The following ENPP6 variants were observed in gnomAD, a reference collection of about 807,000 sequenced individuals.
The protein encoded by ENPP6 is ectonucleotide pyrophosphatase/phosphodiesterase 6, also known as glycerophosphocholine cholinephosphodiesterase ENPP6.
In ENPP6, 32 loss-of-function variants were observed where a neutral mutation model predicts 42.0. The ratio of observed to expected loss-of-function variants is 0.76; its 90% CI spans 0.58 to 1.02. The LOEUF is 1.02. Ranked by LOEUF, ENPP6 falls within the 50% of genes least tolerant of loss-of-function variation. The probability of loss-of-function intolerance (pLI) is 0.00; values close to 1 mark genes in which losing one functional copy is unlikely to be tolerated. For missense variants in ENPP6, 552 were observed against 566.8 expected (o/e 0.97, Z 0.27); for synonymous variants, 213 against 216.0 (o/e 0.99, Z 0.12).
At chr4:184,096,012 G>T (rs1025477302) in intron 7 of ENPP6, among the ~76,000 whole-genome samples, 1 of 152,078 alleles carries the variant, frequency 6.6e-6, no homozygotes, top group East Asian at 1.9e-4. Flanking sequence ...CCCTCTCTTA[G>T]GCCAACATCA....
At chr4:184,179,437 A>G (rs900412861) in intron 1 of ENPP6, among the ~76,000 whole-genome samples, 2 of 152,188 alleles carry the variant, frequency 1.3e-5, no homozygotes, top group African/African-American at 4.8e-5. Context: ...GGAGACTTTA[A>G]CACCCCACTG....
At chr4:184,208,757 C>T (rs980084413) in intron 1 of ENPP6, among the ~76,000 whole-genome samples, 3 of 145,770 alleles carry the variant, frequency 2.1e-5, no homozygotes, top group Non-Finnish European at 3.0e-5. Context: ...GGAGGCCTGC[C>T]TGCCTCTGTA....
chr4:184,192,405 G>A (rs1416702344), intron 1 of ENPP6, among the ~76,000 whole-genome samples: 1 of 152,186 alleles, frequency 6.6e-6, no homozygotes, highest in African/African-American at 2.4e-5. Flanking sequence ...TTCACAAATA[G>A]TGCGGGGACA....
intron 2 of ENPP6, among the ~76,000 whole-genome samples, chr4:184,140,957 T>C (rs9654298): frequency 0.59 from 70,142 of 118,754 alleles, 20,875 homozygotes; most frequent in Non-Finnish European, 0.65. Flanking sequence ...ACAGGCAACC[T>C]ACAAAATGGG....
intron 1 of ENPP6, among the ~76,000 whole-genome samples, chr4:184,187,086 G>A (rs758472798): frequency 1.3e-5 from 2 of 152,204 alleles, no homozygotes; most frequent in Non-Finnish European, 2.9e-5. Flanking sequence ...GGAAGCAGAA[G>A]CAGGCCGTAA....
At chr4:184,093,643 TAA>T (rs1491352430) in intron 7 of ENPP6, among the ~76,000 whole-genome samples, 4 of 125,128 alleles carry the variant, frequency 3.2e-5, no homozygotes, top group East Asian at 2.2e-4. Context: ...TGTCTCAAAA[TAA>T]TAATAATAAT....
intron 2 of ENPP6, among the ~76,000 whole-genome samples, chr4:184,127,353 T>C (rs4862314): frequency 0.63 from 95,309 of 151,868 alleles, 30,303 homozygotes; most frequent in Non-Finnish European, 0.68. Context: ...ATTCTAAAAG[T>C]ACTCAATTAG....
chr4:184,126,619 A>T (rs971032891), intron 2 of ENPP6, among the ~76,000 whole-genome samples: 4 of 152,220 alleles, frequency 2.6e-5, no homozygotes, highest in Non-Finnish European at 5.9e-5. Flanking sequence ...GGATCTTCCA[A>T]CTTGCAGAAA....
intron 1 of ENPP6, among the ~76,000 whole-genome samples, chr4:184,206,887 T>C (rs1035097801): frequency 6.6e-6 from 1 of 152,212 alleles, no homozygotes; most frequent in Non-Finnish European, 1.5e-5. Context: ...CGGACTGTCT[T>C]GGGGAGATCT....
chr4:184,202,984 C>A (rs1732930096), intron 1 of ENPP6, among the ~76,000 whole-genome samples: 1 of 152,146 alleles, frequency 6.6e-6, no homozygotes, highest in South Asian at 2.1e-4. Flanking sequence ...TGGCTCATGC[C>A]TGTAATCCCA....
intron 1 of ENPP6, among the ~76,000 whole-genome samples, chr4:184,212,018 G>A (rs1453039322): frequency 6.7e-6 from 1 of 149,790 alleles, no homozygotes; most frequent in Non-Finnish European, 1.5e-5. Flanking sequence ...TGCAGAAAAA[G>A]CCTTTGACAA....
chr4:184,190,401 G>C (rs1732698003), intron 1 of ENPP6, among the ~76,000 whole-genome samples: 2 of 152,200 alleles, frequency 1.3e-5, no homozygotes, highest in South Asian at 4.1e-4. Context: ...GGGGAGAAGA[G>C]AGCAGAGAGA....
In ENPP6 at chr4:184,116,811, G is replaced by A. The variant is rs1200820643; in HGVS notation, c.855+45C>T. ...AAAGACAGTGCAGATGGCAACACAC[G>A]AGGGCCCACATGGCCCTCCTCCGCC... On this transcript the variant is annotated intron_variant, in intron 5 of 7. Transcript: ENST00000296741. 1.9e-5 allele frequency: 31 copies of A among 1,605,250 alleles called. No individual in the cohort carries two copies. The East Asian group carries it at 2.5e-4, about 13-fold the overall frequency.
chr4:184,163,223 T>A (rs2111085907), intron 1 of ENPP6, among the ~76,000 whole-genome samples: 2 of 152,308 alleles, frequency 1.3e-5, no homozygotes, highest in Admixed American at 1.3e-4. Flanking sequence ...TTTGATGGTA[T>A]CACACATTCT....
At chr4:184,180,102 T>G (rs202068765) in intron 1 of ENPP6, among the ~76,000 whole-genome samples, 1 of 13,214 alleles carries the variant, frequency 7.6e-5, no homozygotes, top group Non-Finnish European at 1.4e-3. Context: ...TTGACAAAAT[T>G]AATAAAATAG....
chr4:184,195,400 A>T (rs796538383), intron 1 of ENPP6, among the ~76,000 whole-genome samples: 4 of 152,256 alleles, frequency 2.6e-5, no homozygotes, highest in African/African-American at 9.6e-5. Context: ...CTGTTCTTGC[A>T]TTAGTTTGCT....
intron 2 of ENPP6, among the ~76,000 whole-genome samples, chr4:184,124,826 C>G (rs1327525634): frequency 6.6e-6 from 1 of 152,190 alleles, no homozygotes; most frequent in Non-Finnish European, 1.5e-5. Context: ...GAGCCGTACC[C>G]TTGCCTGGCC....
intron 2 of ENPP6, among the ~76,000 whole-genome samples, chr4:184,146,051 T>A (rs13104911): frequency 6.7e-6 from 1 of 148,626 alleles, no homozygotes; most frequent in African/African-American, 2.5e-5. Flanking sequence ...TTAGTTTGTC[T>A]GCTGTTACTT....
chr4:184,207,597 T>C (rs11728548), intron 1 of ENPP6, among the ~76,000 whole-genome samples: 24,416 of 152,274 alleles, frequency 0.16, 2,558 homozygotes, highest in Non-Finnish European at 0.24. Flanking sequence ...AGAGAGAGCT[T>C]ATGCCTAAAG....
Sources: allele counts gnomAD v4.1 joint callset (sites outside exome capture counted in the v4.1 genomes callset), GRCh38; gene constraint gnomAD v4.1.1; transcripts MANE v1.5; gene names NCBI Gene and HGNC (gene_info 2026-07-23, HGNC 2026-07-21).